FAM135B: variants seen among roughly 807,000 people sequenced by gnomAD.
FAM135B encodes protein FAM135B.
Under a neutral mutation model 127.7 loss-of-function variants are expected in FAM135B, and 43 were observed. The ratio of observed to expected loss-of-function variants is 0.34; its 90% confidence interval spans 0.26 to 0.43. FAM135B has a LOEUF of 0.43. FAM135B is among the 20% of genes least tolerant of loss of function. The pLI is 1.00. For missense variants in FAM135B, 1,558 were observed against 1,725.6 expected, an observed-to-expected ratio of 0.90 and a Z score of 1.72; for synonymous variants, 670 against 665.1, an observed-to-expected ratio of 1.01 and a Z score of -0.11.
At chr8:138,270,801 A>G (rs2130672681) in intron 3 of FAM135B, among the ~76,000 whole-genome samples, 1 of 152,362 alleles carries the variant, frequency 6.6e-6, no homozygotes, top group East Asian at 1.9e-4. Context: ...TACAATGGCA[A>G]TTAAAGCTTC....
intron 1 of FAM135B, among the ~76,000 whole-genome samples, chr8:138,374,558 A>G (rs1023880343): frequency 6.6e-6 from 1 of 152,180 alleles, no homozygotes; most frequent in Non-Finnish European, 1.5e-5. Flanking sequence ...CACAAATACT[A>G]TGGAACTAAG....
At chr8:138,474,582 C>A (rs555068592) in intron 1 of FAM135B, among the ~76,000 whole-genome samples, 1 of 152,216 alleles carries the variant, frequency 6.6e-6, no homozygotes, top group South Asian at 2.1e-4. Context: ...CCCCTGGTCT[C>A]CTTTCCTTTG....
intron 11 of FAM135B, among the ~76,000 whole-genome samples, chr8:138,175,473 G>A (rs781543661): frequency 6.6e-6 from 1 of 152,194 alleles, no homozygotes; most frequent in Non-Finnish European, 1.5e-5. Flanking sequence ...TTTTCTTATC[G>A]CTTTGGCTAA....
At chr8:138,450,544 T>C (rs1262121109) in intron 1 of FAM135B, 4 of 152,208 alleles carry the variant, frequency 2.6e-5, no homozygotes, top group South Asian at 2.1e-4. Context: ...GTCATTCTGA[T>C]AGGTGTGTGG....
intron 2 of FAM135B, among the ~76,000 whole-genome samples, chr8:138,338,931 T>TA (rs1338055067): frequency 2.6e-5 from 4 of 151,796 alleles, no homozygotes; most frequent in African/African-American, 9.7e-5. Context: ...TATGCAGCCA[T>TA]AAAAAATGAT....
intron 2 of FAM135B, among the ~76,000 whole-genome samples, chr8:138,313,154 C>CA (rs1196745537): frequency 6.6e-6 from 1 of 152,120 alleles, no homozygotes; most frequent in Non-Finnish European, 1.5e-5. Flanking sequence ...TTCTTTGAGA[C>CA]AGAGTCTCAC....
intron 3 of FAM135B, among the ~76,000 whole-genome samples, chr8:138,297,556 CAT>C (rs764609883): frequency 2.0e-5 from 3 of 152,216 alleles, no homozygotes; most frequent in Non-Finnish European, 2.9e-5. Flanking sequence ...ACTGAAATAA[CAT>C]GTGTGTAGTT....
In FAM135B at chr8:138,446,227, G is replaced by T. The variant is rs544510293; in HGVS notation, c.-20+50444C>A. ...TCAATATCGTGAAAATGGCCATATT[G>T]CCCAAGGTAATTTATAGATTCAGTG... On this transcript the variant is annotated intron_variant, in intron 1 of 19. Coordinates refer to ENST00000395297, the MANE Select transcript of FAM135B (RefSeq NM_015912.4). Among the ~76,000 whole-genome samples, 12 of 152,286 alleles carry T rather than the reference G, an allele frequency of 7.9e-5. 1 individual carries two copies. The South Asian group carries it at 2.3e-3, about 29-fold the overall frequency.
chr8:138,480,354 AC>A (rs916112353), intron 1 of FAM135B, among the ~76,000 whole-genome samples: 7 of 152,136 alleles, frequency 4.6e-5, no homozygotes, highest in African/African-American at 1.7e-4. Context: ...AAACATCATT[AC>A]CTTGACATGA....
chr8:138,473,937 G>A (rs960376987), intron 1 of FAM135B, among the ~76,000 whole-genome samples: 1 of 151,990 alleles, frequency 6.6e-6, no homozygotes, highest in African/African-American at 2.4e-5. Flanking sequence ...GCCATCCTTG[G>A]GGACCTTGGC....
chr8:138,491,614 C>A (rs1389109534), intron 1 of FAM135B, among the ~76,000 whole-genome samples: 1 of 152,194 alleles, frequency 6.6e-6, no homozygotes, highest in East Asian at 1.9e-4. Flanking sequence ...CTCATTCATT[C>A]ATTCATTCAT....
chr8:138,407,148 C>T (rs1479434674), intron 1 of FAM135B, among the ~76,000 whole-genome samples: 1 of 150,484 alleles, frequency 6.6e-6, no homozygotes, highest in African/African-American at 2.5e-5. Context: ...GAGTGAACTC[C>T]CATTCACAAT....
intron 2 of FAM135B, among the ~76,000 whole-genome samples, chr8:138,346,644 T>C (rs1829428431): frequency 2.6e-5 from 4 of 151,968 alleles, no homozygotes; most frequent in Admixed American, 2.6e-4. Context: ...ATAGGGGGAA[T>C]GACACACTGG....
At chr8:138,195,612 G>A (rs921741283) in intron 8 of FAM135B, among the ~76,000 whole-genome samples, 3 of 150,732 alleles carry the variant, frequency 2.0e-5, no homozygotes, top group Admixed American at 1.3e-4. Flanking sequence ...GAGATTCCAC[G>A]TTTATTTCTG....
In FAM135B at chr8:138,243,807, G is replaced by A. The variant is rs1338171323; in HGVS notation, c.543-739C>T. Among the ~76,000 whole-genome samples, 1 of 152,162 alleles carries A rather than the reference G, an allele frequency of 6.6e-6. No individual in the cohort carries two copies. Among genetic ancestry groups the A allele is most frequent in the African/African-American group, 2.4e-5 (1 of 41,436 alleles). Reference sequence around the variant, plus strand: ...TTGATTTTCATCAATTGATATACCAGTAATGTTCACTTATACTCATATTCT... The same window carrying A: ...TTGATTTTCATCAATTGATATACCAATAATGTTCACTTATACTCATATTCT... On this transcript the variant is annotated intron_variant, in intron 6 of 19. Transcript: ENST00000395297. This position sits in a 1 kb window ranked among gnomAD's most constrained non-coding sequence, Gnocchi z 7.5.
chr8:138,285,496 C>T (rs1466843170), intron 3 of FAM135B, among the ~76,000 whole-genome samples: 2 of 151,976 alleles, frequency 1.3e-5, no homozygotes, highest in East Asian at 1.9e-4. Context: ...CCTTCTGTAG[C>T]GACAGAGATA....
chr8:138,196,070 T>C (rs773803060), intron 8 of FAM135B, among the ~76,000 whole-genome samples: 2 of 152,234 alleles, frequency 1.3e-5, no homozygotes, highest in South Asian at 4.1e-4. Context: ...GAACTATTGA[T>C]ACATTAGTCA....
intron 7 of FAM135B, among the ~76,000 whole-genome samples, chr8:138,200,478 T>G (rs1012654165): frequency 1.3e-5 from 2 of 152,198 alleles, no homozygotes; most frequent in African/African-American, 4.8e-5. Context: ...AGCATCTAGA[T>G]AGTCCTATTG....
intron 1 of FAM135B, among the ~76,000 whole-genome samples, chr8:138,493,324 C>T (rs1039894440): frequency 2.6e-5 from 4 of 152,002 alleles, no homozygotes; most frequent in Non-Finnish European, 5.9e-5. Context: ...CCATGTGTAA[C>T]CAAAGGAGGT....
Sources: gnomAD v4.1 joint callset for allele counts (sites outside exome capture counted in the v4.1 genomes callset) on GRCh38, gnomAD v4.1.1 for gene constraint, Gnocchi (gnomAD v3.1) non-coding constraint, MANE v1.5 for transcripts, NCBI Gene and HGNC (gene_info 2026-07-23, HGNC 2026-07-21) for gene names.